TAOK2: variants seen among roughly 807,000 people sequenced by gnomAD.
The protein encoded by TAOK2 is TAO kinase 2.
Under a neutral mutation model 122.5 loss-of-function variants are expected in TAOK2, and 42 were observed. The ratio of observed to expected loss-of-function variants is 0.34; its 90% CI spans 0.27 to 0.44. TAOK2 has a LOEUF of 0.44. TAOK2 is among the 20% of genes least tolerant of loss of function. TAOK2 has a pLI of 1.00. For synonymous variants in TAOK2, 704 were observed against 677.6 expected, an observed-to-expected ratio of 1.04 and a Z score of -0.61; for missense variants, 1,264 against 1,644.9, an observed-to-expected ratio of 0.77 and a Z score of 4.01.
chr16:29,991,974 C>T (rs538033003), downstream of TAOK2: 8 of 162,602 alleles, frequency 4.9e-5, no homozygotes, highest in South Asian at 1.4e-3. This position sits in a 1 kb window ranked among gnomAD's most constrained non-coding sequence, Gnocchi z 5.6. Context: ...GGGCCTGAGG[C>T]AGGGAGAATG....
intron 1 of TAOK2, among the ~76,000 whole-genome samples, chr16:29,975,823 A>G (rs2069437210): frequency 6.6e-6 from 1 of 152,138 alleles, no homozygotes; most frequent in Admixed American, 6.5e-5. Context: ...TGGTGTTCCT[A>G]AGTATGAGAT....
intron 1 of TAOK2, among the ~76,000 whole-genome samples, chr16:29,975,593 C>T (rs1239166024): frequency 6.6e-6 from 1 of 152,200 alleles, no homozygotes; most frequent in Admixed American, 6.5e-5. Context: ...TTTGCCTCTG[C>T]CTCATGGAGT....
At chr16:29,989,468 C>T, downstream of TAOK2, 1 of 1,508,434 alleles carries the variant, frequency 6.6e-7, no homozygotes, top group South Asian at 1.3e-5. Context: ...GTCTCTGCTT[C>T]TGTCTCCTCT....
downstream of TAOK2, chr16:29,989,868 A>T (rs2069926424): frequency 3.2e-6 from 5 of 1,551,146 alleles, no homozygotes; most frequent in East Asian, 9.4e-5. Flanking sequence ...TGCTTTAGAG[A>T]AATGGACGGT....
chr16:29,978,651 C>A, intron 4 of TAOK2, 148 bp from the exon 5 acceptor site: 2 of 871,452 alleles, frequency 2.3e-6, no homozygotes, highest in Non-Finnish European at 3.7e-6. Flanking sequence ...ACTCTAGAAA[C>A]TCTCCCACCA....
In TAOK2 at chr16:29,981,888, C is replaced by A. The variant is rs373914698; in HGVS notation, c.779C>A (p.Ser260Tyr). ...GAGTACTTCCGGAATTTTGTCGACTCCTGTCTTCAGAAAATCCCTCAAGAC... is the reference window on the plus strand; with the variant it reads ...GAGTACTTCCGGAATTTTGTCGACTACTGTCTTCAGAAAATCCCTCAAGAC... ...WSEYFRNFVD[S>Y]CLQKIPQDRP... The change falls in exon 10 of 16, where the codon TCC becomes TAC. Residue 260 changes from serine to tyrosine, a missense_variant. Ser to Tyr is a moderately radical substitution (Grantham distance 144). Around this residue, in one of 4 missense-constraint regions of TAOK2, gnomAD observed 254 missense variants for 503.8 expected, o/e 0.50. Coordinates refer to ENST00000308893, the MANE Select transcript of TAOK2 (RefSeq NM_016151.4). The A allele has an allele frequency of 1.2e-6, 2 of 1,613,814 alleles. No individual in the cohort carries two copies. Among genetic ancestry groups the A allele is most frequent in the South Asian group, 2.2e-5 (2 of 91,064 alleles).
chr16:29,983,328 T>G lies in TAOK2; in HGVS notation c.1256T>G (p.Leu419Arg), dbSNP rs1450138786. Residue 419 changes from leucine (L) to arginine (R), a missense_variant, in exon 12 of 16, where the codon CTG (leucine) becomes CGG (arginine). By Grantham distance (102) the Leu-to-Arg change is moderately radical. This residue lies in a region of TAOK2 where 122 missense variants were observed against 116.7 expected (regional missense o/e 1.04). Transcript: ENST00000308893. ...TCTCACAGCTCCATTATCCACCGGC[T>G]GCCGGTACACAGCTCACCCTTGGGG... Reference protein sequence around the residue: ...VTSHSSIIHRLPGSDNLYDDP... With the variant: ...VTSHSSIIHRRPGSDNLYDDP... 6.3e-7 allele frequency: 1 copy of G among 1,595,960 alleles called. No individual in the cohort carries two copies.
chr16:29,977,621 G>C, intron 1 of TAOK2, 117 bp from the exon 2 acceptor site: 2 of 982,412 alleles, frequency 2.0e-6, no homozygotes, highest in Non-Finnish European at 2.9e-6. Context: ...CCCTTCCTCA[G>C]CAGTGCCTCC....
rs868098544 is a variant in TAOK2 at position 29,985,296 on chromosome 16, C to T, written c.1506C>T (p.His502=). The T allele has an allele frequency of 6.2e-7, 1 of 1,604,534 alleles. No individual in the cohort carries two copies. Among genetic ancestry groups the T allele is most frequent in the Non-Finnish European group, 8.5e-7 (1 of 1,174,150 alleles). ...LSGYKRMRRQ[H]QKQLLALESR... is the part of the protein sequence containing the mutation. ...GCTATAAGCGGATGCGACGACAGCA[C>T]CAGAAGCAGCTGCTGGCCCTGGAGT... The change falls in exon 14 of 16, where the codon CAC becomes CAT. Residue 502 remains histidine, a synonymous_variant. Coordinates refer to ENST00000308893, the MANE Select transcript of TAOK2 (RefSeq NM_016151.4). The surrounding 1 kb of genome is among the most constrained non-coding windows in gnomAD (Gnocchi z 6.9).
intron 1 of TAOK2, 23 bp downstream of exon 1, chr16:29,974,671 G>A (rs1374926882): frequency 6.6e-6 from 1 of 152,666 alleles, no homozygotes; most frequent in Non-Finnish European, 1.5e-5. Context: ...GTGCAGGGGC[G>A]CGGGTCCCTG....
At chr16:29,978,564 T>C (rs1408623021) in intron 4 of TAOK2, among the ~76,000 whole-genome samples, 2 of 152,116 alleles carry the variant, frequency 1.3e-5, no homozygotes, top group African/African-American at 4.8e-5. Flanking sequence ...GACAGGTCAC[T>C]GTGGGCTGGA....
downstream of TAOK2, chr16:29,988,779 T>G (rs1483836888): frequency 3.0e-6 from 3 of 985,228 alleles, no homozygotes; most frequent in Non-Finnish European, 3.6e-6. Flanking sequence ...GGGACGGGGC[T>G]GCAGACCCTC....
rs2069384492 is a variant in TAOK2, at chr16:29,974,252, A to G, written c.-432A>G. 6.6e-6 allele frequency: 1 copy of G among 152,412 alleles called. No homozygotes were observed. The allele number at this position is 152,412 out of a possible 1,614,324, so 9.4% of individuals were successfully genotyped here. A position where few individuals can be genotyped will look rare whatever the true frequency, so the allele number is the denominator to read the frequency against. On this transcript the variant is annotated 5_prime_UTR_variant, in exon 1 of 16. Coordinates refer to ENST00000308893, the MANE Select transcript of TAOK2 (RefSeq NM_016151.4). The stretch of plus-strand genomic sequence containing the variant: ...CCAGATATCCGGGACTCGGGTCCCA[A>G]CCTCTCTAAACCTGGGTCTCTGTTT...
rs753160957 is a variant in TAOK2, at chr16:29,986,440, G to A, written c.2168G>A (p.Arg723Gln). The A allele has an allele frequency of 1.2e-5, 20 of 1,608,246 alleles. No individual in the cohort carries two copies. Among genetic ancestry groups the A allele is most frequent in the Admixed American group, 1.7e-5 (1 of 58,666 alleles). The change falls in exon 16 of 16, where the codon CGG becomes CAG. Residue 723 changes from arginine to glutamine, a missense_variant. Physicochemically the swap from Arg to Gln is conservative, Grantham distance 43. Transcript: ENST00000308893. The surrounding 1 kb of genome is among the most constrained non-coding windows in gnomAD (Gnocchi z 4.2). The part of the protein sequence containing the change: ...ELGNQLEYNK[R>Q]REQELRQKHA... Reference sequence around the variant, plus strand: ...GGCAACCAGCTGGAGTACAACAAGCGGCGTGAGCAAGAGTTGCGGCAGAAG... The same window carrying A: ...GGCAACCAGCTGGAGTACAACAAGCAGCGTGAGCAAGAGTTGCGGCAGAAG...
chr16:29,988,488 CCT>C (rs2069886613), downstream of TAOK2: 18 of 1,201,066 alleles, frequency 1.5e-5, no homozygotes, highest in Non-Finnish European at 1.8e-5. Context: ...GGCTCCATGA[CCT>C]CTTCACCCCA....
Position 29,979,354 on chromosome 16 carries a change from T to C in TAOK2, c.563+46T>C. On this transcript the variant is annotated intron_variant, in intron 7 of 15. Coordinates refer to ENST00000308893, the MANE Select transcript of TAOK2 (RefSeq NM_016151.4). This position sits in a 1 kb window ranked among gnomAD's most constrained non-coding sequence, Gnocchi z 4.1. ...GAGTGGAGAGACCTCCCAGGGATGT[T>C]GGGAGTAGGAGTGACAGGGTCTCGG... 2 of 1,612,180 alleles carry C rather than the reference T, an allele frequency of 1.2e-6. No individual in the cohort carries two copies. The highest frequency in any genetic ancestry group is 1.7e-5 in the Admixed American group (1 of 59,968).
At chr16:29,989,587 G>C (rs1223924461), downstream of TAOK2, 7 of 1,613,696 alleles carry the variant, frequency 4.3e-6, no homozygotes, top group Non-Finnish European at 5.9e-6. Flanking sequence ...TCCGTCCACT[G>C]CATAGTCTAA....
rs2069798100 is a variant in TAOK2, at chr16:29,986,481, C to T, written c.2209C>T (p.Arg737Cys). The T allele has an allele frequency of 1.2e-6, 2 of 1,604,228 alleles. No homozygotes were observed. Among genetic ancestry groups the T allele is most frequent in the African/African-American group, 1.3e-5 (1 of 74,520 alleles). The change falls in exon 16 of 16, where the codon CGC (arginine) becomes TGC (cysteine). Residue 737 changes from arginine (R) to cysteine (C), a missense_variant. Arg to Cys is a radical substitution (Grantham distance 180, BLOSUM62 -3). Around this residue, in one of 4 missense-constraint regions of TAOK2, gnomAD observed 824 missense variants for 908.7 expected, o/e 0.91. Coordinates refer to ENST00000308893, the MANE Select transcript of TAOK2 (RefSeq NM_016151.4). The surrounding 1 kb of genome is among the most constrained non-coding windows in gnomAD (Gnocchi z 4.2). ...ELRQKHAAQV[R>C]QQPKSLKVRA... is the part of the protein sequence containing the mutation. ...GCGGCAGAAGCATGCGGCCCAGGTT[C>T]GCCAGCAGCCCAAGAGCCTCAAAGT...
chr16:29,979,523 C>A lies in TAOK2; in HGVS notation c.655+15C>A. The A allele has an allele frequency of 6.7e-7, 1 of 1,501,276 alleles. No homozygotes were observed. The highest frequency in any genetic ancestry group is 2.3e-5 in the East Asian group (1 of 43,088). The allele number at this position is 1,501,276 out of a possible 1,614,324, so 93.0% of individuals were successfully genotyped here. ...CATCGAGCTGGGTAAGAACATCCTC[C>A]CTGTTCCCTCATCATCTTTTCCATT... is the stretch of plus-strand genomic sequence containing the variant. On this transcript the variant is annotated intron_variant, in intron 8 of 15. Transcript: ENST00000308893. The surrounding 1 kb of genome is among the most constrained non-coding windows in gnomAD (Gnocchi z 4.1).
Sources: allele counts gnomAD v4.1 joint callset (sites outside exome capture counted in the v4.1 genomes callset), GRCh38; gene constraint gnomAD v4.1.1; regional missense constraint gnomAD v4.1.1; non-coding constraint Gnocchi (gnomAD v3.1); transcripts MANE v1.5; gene names NCBI Gene and HGNC (gene_info 2026-07-23, HGNC 2026-07-21).